ATG5: variants seen among roughly 807,000 people sequenced by gnomAD.
ATG5 encodes autophagy related 5.
In ATG5, 14 loss-of-function variants were observed where a neutral mutation model predicts 36.5. The observed-to-expected ratio is 0.38, with a 90% confidence interval of 0.25 to 0.60. ATG5 has a LOEUF of 0.60. Among genes scored for constraint, ATG5 ranks in the 20% least tolerant of loss-of-function variants. The pLI is 0.60. For missense variants in ATG5, 195 were observed against 326.7 expected, an observed-to-expected ratio of 0.60 and a Z score of 3.11; for synonymous variants, 95 against 101.5, an observed-to-expected ratio of 0.94 and a Z score of 0.38.
intron 4 of ATG5, among the ~76,000 whole-genome samples, chr6:106,282,092 A>G (rs1779904263): frequency 6.6e-6 from 1 of 152,208 alleles, no homozygotes; most frequent in African/African-American, 2.4e-5. Flanking sequence ...GTGAACAGAA[A>G]ATTTCACCTA....
chr6:106,228,031 G>A (rs1355659171), intron 6 of ATG5, among the ~76,000 whole-genome samples: 1 of 152,078 alleles, frequency 6.6e-6, no homozygotes, highest in Non-Finnish European at 1.5e-5. Context: ...AACAAGGAGG[G>A]GCTTAAACTG....
At chr6:106,218,005 G>A (rs571230230) in intron 6 of ATG5, among the ~76,000 whole-genome samples, 22 of 152,152 alleles carry the variant, frequency 1.4e-4, no homozygotes, top group African/African-American at 4.8e-4. Context: ...TATTAAACAG[G>A]GTTCTAAGAA....
chr6:106,201,071 T>C (rs761712118), intron 7 of ATG5, among the ~76,000 whole-genome samples: 5 of 152,222 alleles, frequency 3.3e-5, no homozygotes, highest in Non-Finnish European at 7.4e-5. Context: ...TAATGCAATG[T>C]AAATCTATAT....
At chr6:106,205,754 A>T (rs1776606699) in intron 6 of ATG5, among the ~76,000 whole-genome samples, 1 of 152,150 alleles carries the variant, frequency 6.6e-6, no homozygotes, top group African/African-American at 2.4e-5. Flanking sequence ...ATCTTTTATG[A>T]TGAGGTATTT....
intron 6 of ATG5, among the ~76,000 whole-genome samples, chr6:106,225,368 A>G (rs1387684676): frequency 7.2e-5 from 11 of 152,240 alleles, no homozygotes; most frequent in Non-Finnish European, 1.2e-4. Context: ...AATCAAGGAT[A>G]TGTAACTTTT....
chr6:106,197,961 G>A (rs143600303), intron 7 of ATG5, among the ~76,000 whole-genome samples: 1,530 of 152,194 alleles, frequency 0.01, 27 homozygotes, highest in African/African-American at 0.035. Flanking sequence ...GCCACGGACA[G>A]GTAAGAGGTT....
chr6:106,278,105 A>G (rs1264508159), intron 5 of ATG5, among the ~76,000 whole-genome samples: 1 of 151,814 alleles, frequency 6.6e-6, no homozygotes, highest in Non-Finnish European at 1.5e-5. Flanking sequence ...TGCCCTGGCT[A>G]ATGTTTAGAT....
chr6:106,272,995 T>C (rs1779511582), intron 5 of ATG5, among the ~76,000 whole-genome samples: 2 of 152,238 alleles, frequency 1.3e-5, no homozygotes, highest in Admixed American at 6.5e-5. Flanking sequence ...GTGACCGATA[T>C]AGATTCATTC....
chr6:106,305,554 C>T (rs1770412436), intron 3 of ATG5, among the ~76,000 whole-genome samples: 1 of 152,190 alleles, frequency 6.6e-6, no homozygotes, highest in Admixed American at 6.5e-5. Context: ...GTTCTTTCTT[C>T]CCTCACTTAT....
At chr6:106,286,289 G>A (rs2114615631) in intron 4 of ATG5, among the ~76,000 whole-genome samples, 1 of 151,808 alleles carries the variant, frequency 6.6e-6, no homozygotes, top group East Asian at 1.9e-4. Context: ...ACCACCGTCA[G>A]GCAACCGTTC....
At chr6:106,253,288 T>C (rs1778670463) in intron 5 of ATG5, among the ~76,000 whole-genome samples, 1 of 152,136 alleles carries the variant, frequency 6.6e-6, no homozygotes, top group Admixed American at 6.5e-5. Context: ...AACACAGAAG[T>C]AGGTGGGCCC....
intron 5 of ATG5, among the ~76,000 whole-genome samples, chr6:106,249,252 C>T (rs912440313): frequency 3.3e-5 from 5 of 152,166 alleles, no homozygotes; most frequent in African/African-American, 1.2e-4. Flanking sequence ...TTAATAGTCA[C>T]TTCCCACTCC....
At chr6:106,296,351 A>G (rs1769933344) in intron 3 of ATG5, among the ~76,000 whole-genome samples, 1 of 152,202 alleles carries the variant, frequency 6.6e-6, no homozygotes, top group Non-Finnish European at 1.5e-5. Flanking sequence ...TTACTATTTC[A>G]TCACTCTAGA....
intron 5 of ATG5, among the ~76,000 whole-genome samples, chr6:106,268,867 G>C (rs568158867): frequency 6.6e-6 from 1 of 151,838 alleles, no homozygotes; most frequent in Admixed American, 6.6e-5. Flanking sequence ...TCACACACAC[G>C]GGGGCCTGTC....
intron 6 of ATG5, among the ~76,000 whole-genome samples, chr6:106,208,151 ACTAC>A (rs1300270024): frequency 4.0e-5 from 6 of 151,566 alleles, no homozygotes; most frequent in African/African-American, 1.4e-4. Context: ...CATGGACACA[ACTAC>A]CTATCTTTCC....
chr6:106,249,290 T>C lies in ATG5; in HGVS notation c.479-1046A>G, dbSNP rs910111675. Among the ~76,000 whole-genome samples, 4 of 152,170 alleles carry C rather than the reference T, an allele frequency of 2.6e-5. No individual in the cohort carries two copies. The East Asian group carries it at 7.7e-4, about 29-fold the overall frequency. On this transcript the variant is annotated intron_variant, in intron 5 of 7. Coordinates refer to ENST00000369076, the MANE Select transcript of ATG5 (RefSeq NM_004849.4). ...CTTGCCCCAGCCCCTGAAAAATCAC[T>C]ACTTTCTATCTCTATAGTTTGCCTA...
chr6:106,204,783 CTG>C (rs1180569375), intron 6 of ATG5, among the ~76,000 whole-genome samples: 3 of 152,218 alleles, frequency 2.0e-5, no homozygotes, highest in African/African-American at 7.2e-5. Flanking sequence ...CCATACGGAA[CTG>C]TGAGTCAATT....
chr6:106,201,079 T>C (rs1037008184), intron 7 of ATG5, among the ~76,000 whole-genome samples: 3 of 152,224 alleles, frequency 2.0e-5, no homozygotes, highest in African/African-American at 7.2e-5. Flanking sequence ...TGTAAATCTA[T>C]ATAAATACTT....
At chr6:106,302,455 AATT>A (rs1461688030) in intron 3 of ATG5, among the ~76,000 whole-genome samples, 3 of 152,044 alleles carry the variant, frequency 2.0e-5, no homozygotes, top group African/African-American at 7.2e-5. Flanking sequence ...CAGAAAGAAA[AATT>A]ATGGCACTGG....
Sources: allele counts gnomAD v4.1 joint callset (sites outside exome capture counted in the v4.1 genomes callset), GRCh38; gene constraint gnomAD v4.1.1; transcripts MANE v1.5; gene names NCBI Gene and HGNC (gene_info 2026-07-23, HGNC 2026-07-21).